The following FLCN variants were observed in gnomAD, a reference collection of about 807,000 sequenced individuals.
The protein encoded by FLCN is BHD skin lesion fibrofolliculoma protein.
A neutral mutation model predicts 62.5 loss-of-function variants in FLCN; 22 were observed. The observed-to-expected ratio is 0.35, with a 90% CI of 0.25 to 0.50. The LOEUF is 0.50. Ranked by LOEUF, FLCN falls within the 20% of genes least tolerant of loss-of-function variation. FLCN has a pLI of 0.97. For synonymous variants in FLCN, 319 were observed against 310.0 expected (o/e 1.03, Z -0.30); for missense variants, 657 against 778.0 (o/e 0.84, Z 1.85).
chr17:17,215,236 TGA>T lies in FLCN; in HGVS notation c.1379_1380del (p.Leu460GlnfsTer25), dbSNP rs1064793128. ...CTGGTCACCACAAACTCGTACTTGC[TGA>T]GAGACTGGTCATCCTCACACCCCAC... ...HPVGCEDDQS[L>X]SKYEFVVTSG... On this transcript the variant is annotated frameshift_variant, in exon 12 of 14. Coordinates refer to ENST00000285071, the MANE Select transcript of FLCN (RefSeq NM_144997.7). LOFTEE classifies it high-confidence loss of function. The T allele has an allele frequency of 1.2e-6, 2 of 1,614,208 alleles. No individual in the cohort carries two copies. The highest frequency in any genetic ancestry group is 1.7e-6 in the Non-Finnish European group (2 of 1,180,038).
chr17:17,216,910 C>T lies in FLCN; in HGVS notation c.1176+159G>A, dbSNP rs1379639539. 4.2e-5 allele frequency: 29 copies of T among 694,402 alleles called. No homozygotes were observed. Among genetic ancestry groups the T allele is most frequent in the Non-Finnish European group, 5.2e-5 (20 of 381,916 alleles). 43.0% of individuals were successfully genotyped at this position (694,402 alleles called of 1,614,324 possible). ...TCTGATGATTTAAACATCATCAGAC[C>T]AGACCCGGGTCTCCGTGCCCACTGC... On this transcript the variant is annotated intron_variant, in intron 10 of 13. Coordinates refer to ENST00000285071, the MANE Select transcript of FLCN (RefSeq NM_144997.7). This position sits in a 1 kb window ranked among gnomAD's most constrained non-coding sequence, Gnocchi z 4.0.
chr17:17,213,360 C>A lies in FLCN; in HGVS notation c.*295G>T. ...GTTTTGAGTCTAAGTCCACAAGGGG[C>A]CTGGGAGGCAAGCTGTCCTCCTAGT... On this transcript the variant is annotated 3_prime_UTR_variant, in exon 14 of 14. Transcript: ENST00000285071. 5.6e-6 allele frequency: 3 copies of A among 537,562 alleles called. No homozygotes were observed. Among genetic ancestry groups the A allele is most frequent in the Non-Finnish European group, 1.0e-5 (3 of 295,902 alleles). The allele number at this position is 537,562 out of a possible 1,614,324, so 33.3% of individuals were successfully genotyped here. A position where few individuals can be genotyped will look rare whatever the true frequency, so the allele number is the denominator to read the frequency against.
At position 17,212,846 on chromosome 17, in the gene FLCN, TTA is replaced by T. The variant is rs1364769888; in HGVS notation, c.*807_*808del. 4.8e-5 allele frequency: 11 copies of T among 228,974 alleles called. No homozygotes were observed. 14.2% of individuals were successfully genotyped at this position (228,974 alleles called of 1,614,324 possible). Reference sequence around the variant, plus strand: ...TTCAATCACCACACTCCGAAAATAGTTAACTGTAACCAAACGTAAATGTTGAA... The same window carrying T: ...TTCAATCACCACACTCCGAAAATAGTACTGTAACCAAACGTAAATGTTGAA... On this transcript the variant is annotated 3_prime_UTR_variant, in exon 14 of 14. Transcript: ENST00000285071.
Position 17,212,481 on chromosome 17 carries a change from A to T in FLCN, c.*1174T>A, listed in dbSNP as rs1386024346. The stretch of plus-strand genomic sequence containing the variant: ...TAGCAAGATGCCATCTCTTTAAAAA[A>T]AAAAAAAAAAAAAAAAAAAAGGGCC... On this transcript the variant is annotated 3_prime_UTR_variant, in exon 14 of 14. Coordinates refer to ENST00000285071, the MANE Select transcript of FLCN (RefSeq NM_144997.7). 1 of 166,116 alleles carries T rather than the reference A, an allele frequency of 6.0e-6. No individual in the cohort carries two copies. Among genetic ancestry groups the T allele is most frequent in the Non-Finnish European group, 1.3e-5 (1 of 76,964 alleles). 10.3% of individuals were successfully genotyped at this position (166,116 alleles called of 1,614,324 possible).
rs375925448 is a variant in FLCN, at chr17:17,216,537, C to A, written c.1177-34G>T. On this transcript the variant is annotated intron_variant, in intron 10 of 13. Coordinates refer to ENST00000285071, the MANE Select transcript of FLCN (RefSeq NM_144997.7). The surrounding 1 kb of genome is among the most constrained non-coding windows in gnomAD (Gnocchi z 4.0). Reference sequence around the variant, plus strand: ...GACAGCAGGACTCAGACCAAGGACACGAGGAAGCCCTCAGCCCCGGCCATC... The same window carrying A: ...GACAGCAGGACTCAGACCAAGGACAAGAGGAAGCCCTCAGCCCCGGCCATC... The A allele has an allele frequency of 1.9e-6, 3 of 1,612,528 alleles. No homozygotes were observed. The highest frequency in any genetic ancestry group is 1.3e-5 in the African/African-American group (1 of 74,886).
chr17:17,233,335 C>T (rs1222137207), intron 1 of FLCN, among the ~76,000 whole-genome samples: 1 of 152,004 alleles, frequency 6.6e-6, no homozygotes, highest in Admixed American at 6.6e-5. Flanking sequence ...CGGTGGCTCA[C>T]GCCTGTAACC....
chr17:17,223,961 GA>G lies in FLCN; in HGVS notation c.578del (p.Val193AlafsTer30). On this transcript the variant is annotated frameshift_variant, in exon 6 of 14. Coordinates refer to ENST00000285071, the MANE Select transcript of FLCN (RefSeq NM_144997.7). LOFTEE classifies it high-confidence loss of function. ...INSWPFLLGK[V>X]RGIIDELQGK... ...CCTGGAGCTCATCGATGATTCCCCG[GA>G]CCTTCCCCAGCAGGAAGGGCCAGGA... The G allele has an allele frequency of 6.2e-7, 1 of 1,613,506 alleles. No individual in the cohort carries two copies. The highest frequency in any genetic ancestry group is 8.5e-7 in the Non-Finnish European group (1 of 1,180,038).
Position 17,213,678 on chromosome 17 carries a change from T to A in FLCN, c.1717A>T (p.Thr573Ser), listed in dbSNP as rs758901704. The A allele has an allele frequency of 6.2e-7, 1 of 1,614,024 alleles. No individual in the cohort carries two copies. The highest frequency in any genetic ancestry group is 1.3e-5 in the African/African-American group (1 of 74,928). ...SHLMSTVRSP[T>S]ASESRN ...GGTCAGTTCCGAGACTCCGAGGCTG[T>A]GGGGCTGCGGACCGTGGACATGAGG... The change falls in exon 14 of 14, where the codon ACA becomes TCA. Residue 573 changes from threonine to serine, a missense_variant. By Grantham distance (58) the Thr-to-Ser change is moderately conservative (BLOSUM62 1). Transcript: ENST00000285071.
intron 5 of FLCN, chr17:17,225,110 A>C (rs2047210881): frequency 6.6e-6 from 1 of 152,296 alleles, no homozygotes; most frequent in African/African-American, 2.4e-5. Context: ...GCTCAGAGTC[A>C]AGAGCAACAG....
In FLCN at chr17:17,232,858, G is replaced by A. The variant is rs1185577766; in HGVS notation, c.-184C>T. On this transcript the variant is annotated 5_prime_UTR_variant, in exon 2 of 14. Coordinates refer to ENST00000285071, the MANE Select transcript of FLCN (RefSeq NM_144997.7). ...CACACACGAGGCTGCTGCCAAATGG[G>A]TCAGGCATGGTGGTGGCAGACACCC... The A allele has an allele frequency of 1.3e-5, 2 of 152,410 alleles. No homozygotes were observed. Among genetic ancestry groups the A allele is most frequent in the South Asian group, 2.1e-4 (1 of 4,820 alleles). 9.4% of individuals were successfully genotyped at this position (152,410 alleles called of 1,614,324 possible).
chr17:17,233,279 CCT>C (rs2047474713), intron 1 of FLCN, among the ~76,000 whole-genome samples: 1 of 151,936 alleles, frequency 6.6e-6, no homozygotes, highest in Non-Finnish European at 1.5e-5. Context: ...ACAGTGAGAC[CCT>C]GTCTCTACAA....
chr17:17,235,282 AAAAATAC>A lies in FLCN; in HGVS notation c.-228+1623_-228+1629del, dbSNP rs2047550526. On this transcript the variant is annotated intron_variant, in intron 1 of 13. Coordinates refer to ENST00000285071, the MANE Select transcript of FLCN (RefSeq NM_144997.7). ...GCAATAAGAGTAAAACTCCATTTCA[AAAAATAC>A]AAAATACGAAAATTAGCCAGGCCTG... 5.3e-5 allele frequency among the ~76,000 whole-genome samples: 8 copies of A among 152,150 alleles called. No individual in the cohort carries two copies. In the South Asian group the frequency reaches 1.7e-3, roughly 32 times the overall value.
chr17:17,223,820 G>T, intron 6 of FLCN, 102 bp downstream of exon 6: 1 of 1,178,994 alleles, frequency 8.5e-7, no homozygotes, highest in Non-Finnish European at 1.2e-6. Flanking sequence ...GCTGTAAGCA[G>T]AGGGGAAGAC....
intron 6 of FLCN, chr17:17,223,046 C>T (rs549874844): frequency 3.5e-5 from 12 of 345,048 alleles, no homozygotes; most frequent in South Asian, 3.0e-4. Flanking sequence ...ACAAACAAGG[C>T]CCTCAGCACC....
intron 8 of FLCN, 38 bp from the exon 9 acceptor site, chr17:17,219,247 C>G: frequency 6.2e-7 from 1 of 1,606,352 alleles, no homozygotes; most frequent in Non-Finnish European, 8.5e-7. Flanking sequence ...CAGATACAAA[C>G]AGTCTCATCC....
chr17:17,222,842 C>T, intron 6 of FLCN, 181 bp from the exon 7 acceptor site: 1 of 723,744 alleles, frequency 1.4e-6, no homozygotes, highest in Admixed American at 2.1e-5. Flanking sequence ...AGCTCTGCCC[C>T]GGCTACATCA....
chr17:17,219,097 C>A lies in FLCN; in HGVS notation c.984G>T (p.Glu328Asp). Residue 328 changes from glutamate to aspartate, a missense_variant, in exon 9 of 14, where the codon GAG becomes GAT. By Grantham distance (45) the Glu-to-Asp change is conservative. Coordinates refer to ENST00000285071, the MANE Select transcript of FLCN (RefSeq NM_144997.7). ...EGRELTQGPA[E>D]SSSLSGCGSW... is the part of the protein sequence containing the mutation. ...TCCCACAGCCTGAGAGAGAGGAGGA[C>A]TCTGCCGGGCCCTGGGTCAGCTCCC... The A allele has an allele frequency of 6.2e-7, 1 of 1,614,206 alleles. No homozygotes were observed. The highest frequency in any genetic ancestry group is 1.3e-5 in the African/African-American group (1 of 75,054).
Position 17,213,310 on chromosome 17 carries a change from T to G in FLCN, c.*345A>C, listed in dbSNP as rs2046805723. The G allele has an allele frequency of 4.2e-6, 2 of 476,452 alleles. No homozygotes were observed. Among genetic ancestry groups the G allele is most frequent in the Non-Finnish European group, 7.8e-6 (2 of 257,852 alleles). 29.5% of individuals were successfully genotyped at this position (476,452 alleles called of 1,614,324 possible). ...CAGACATGTTATTGCGACTGCATAC[T>G]GAGTCGGACCTGTTTCTCCTGCGGG... On this transcript the variant is annotated 3_prime_UTR_variant, in exon 14 of 14. Coordinates refer to ENST00000285071, the MANE Select transcript of FLCN (RefSeq NM_144997.7).
At position 17,215,087 on chromosome 17, in the gene FLCN, C is replaced by T; in HGVS notation, c.1436G>A (p.Gly479Asp). 1 of 1,613,706 alleles carries T rather than the reference C, an allele frequency of 6.2e-7. No individual in the cohort carries two copies. The highest frequency in any genetic ancestry group is 8.5e-7 in the Non-Finnish European group (1 of 1,179,920). ...TTCAATCTTATTCAGGATGGTGGGG[C>T]CCACTGGGGAGAAGGGCAGGGGCAG... is the stretch of plus-strand genomic sequence containing the variant. ...SGSPVAADRV[G>D]PTILNKIEAA... Residue 479 changes from glycine to aspartate, a missense_variant, in exon 13 of 14, where the codon GGC (glycine) becomes GAC (aspartate). Coordinates refer to ENST00000285071, the MANE Select transcript of FLCN (RefSeq NM_144997.7).
Sources: gnomAD v4.1 joint callset for allele counts (sites outside exome capture counted in the v4.1 genomes callset) on GRCh38, gnomAD v4.1.1 for gene constraint, Gnocchi (gnomAD v3.1) non-coding constraint, MANE v1.5 for transcripts, NCBI Gene and HGNC (gene_info 2026-07-23, HGNC 2026-07-21) for gene names.